The following CIROP variants were observed in gnomAD, a reference collection of about 807,000 sequenced individuals.
CIROP encodes leishmanolysin homolog.
At chr14:23,101,615 T>A in the CIROP span, 12,329 of 702,566 alleles carry the variant, frequency 0.018, 693 homozygotes, top group African/African-American at 0.14. Flanking sequence ...GCCTTTGAAG[T>A]TGACTGCCTT....
the CIROP span, chr14:23,099,297 T>G: frequency 1.2e-5 from 5 of 413,350 alleles, no homozygotes; most frequent in Non-Finnish European, 2.2e-5. Context: ...CCTCCCTTAT[T>G]CCTCTAACTG....
chr14:23,101,492 G>C, the CIROP span: 1 of 616,998 alleles, frequency 1.6e-6, no homozygotes, highest in Non-Finnish European at 2.9e-6. Context: ...CAACGGCTCT[G>C]GGGATGGTAG....
At chr14:23,101,670 C>G in the CIROP span, 1 of 703,050 alleles carries the variant, frequency 1.4e-6, no homozygotes, top group South Asian at 1.5e-5. Flanking sequence ...TCTACTCACC[C>G]CATTGGCTAA....
the CIROP span, chr14:23,102,427 G>A: frequency 2.8e-6 from 2 of 703,014 alleles, no homozygotes; most frequent in Non-Finnish European, 5.2e-6. Context: ...GGGGTGGTGA[G>A]AAGCAGTTGT....
At chr14:23,101,832 G>A in the CIROP span, 3 of 702,674 alleles carry the variant, frequency 4.3e-6, no homozygotes, top group South Asian at 4.4e-5. Flanking sequence ...TAACCACTCA[G>A]CACACACACC....
At chr14:23,099,486 C>CAACCT in the CIROP span, 1 of 412,578 alleles carries the variant, frequency 2.4e-6, no homozygotes, top group South Asian at 1.3e-4. Flanking sequence ...AAGTAACCAG[C>CAACCT]AACCTAGGAA....
the CIROP span, chr14:23,100,875 A>G: frequency 2.5e-6 from 1 of 399,058 alleles, no homozygotes; most frequent in Non-Finnish European, 4.4e-6. Flanking sequence ...TTGCTCGCCA[A>G]AGCCTCCAGT....
At chr14:23,101,616 T>C in the CIROP span, 1 of 702,652 alleles carries the variant, frequency 1.4e-6, no homozygotes, top group Non-Finnish European at 2.6e-6. Flanking sequence ...CCTTTGAAGT[T>C]GACTGCCTTC....
At chr14:23,100,865 T>C in the CIROP span, 87,263 of 398,802 alleles carry the variant, frequency 0.22, 9,808 homozygotes, top group African/African-American at 0.31. Flanking sequence ...AGTGCCGCCT[T>C]TGCTCGCCAA....
the CIROP span, chr14:23,102,827 C>T: frequency 1.5e-6 from 1 of 661,298 alleles, no homozygotes; most frequent in Non-Finnish European, 2.7e-6. Flanking sequence ...ACCTTCTATT[C>T]CATCCTCTGT....
the CIROP span, chr14:23,104,618 TC>T: frequency 1.0e-5 from 7 of 702,272 alleles, no homozygotes; most frequent in African/African-American, 1.2e-4. Flanking sequence ...CAGCCTGGAT[TC>T]GCTGAGTGGC....
the CIROP span, chr14:23,099,615 A>C: frequency 2.6e-6 from 1 of 378,166 alleles, no homozygotes; most frequent in East Asian, 3.7e-5. Context: ...GCTGGAGTGC[A>C]GTGGTGTGAT....
chr14:23,104,276 T>C, the CIROP span: 4 of 683,276 alleles, frequency 5.9e-6, no homozygotes, highest in Non-Finnish European at 1.1e-5. Context: ...CTTTGTATCC[T>C]GGGTTCAAGA....
the CIROP span, chr14:23,104,676 C>G: frequency 1.4e-6 from 1 of 702,988 alleles, no homozygotes; most frequent in Non-Finnish European, 2.6e-6. Flanking sequence ...CATCCCTTCT[C>G]CCTCAGGATC....
chr14:23,101,539 C>A, the CIROP span: 1 of 654,790 alleles, frequency 1.5e-6, no homozygotes, highest in Non-Finnish European at 2.8e-6. Flanking sequence ...AGCAGGGAAT[C>A]CGTTTTCCTT....
the CIROP span, chr14:23,104,100 G>T: frequency 1.7e-6 from 1 of 588,998 alleles, no homozygotes; most frequent in Non-Finnish European, 3.0e-6. Flanking sequence ...GAGACTGAGA[G>T]GTGAGCCTGC....
chr14:23,099,491 T>G, the CIROP span: 2 of 412,670 alleles, frequency 4.8e-6, no homozygotes, highest in Non-Finnish European at 8.8e-6. Flanking sequence ...ACCAGCAACC[T>G]AGGAACATAG....
chr14:23,104,578 C>T, the CIROP span: 1 of 698,644 alleles, frequency 1.4e-6, no homozygotes, highest in African/African-American at 1.7e-5. Flanking sequence ...CCCTCCCTGA[C>T]ACCTCTGTTC....
the CIROP span, chr14:23,102,536 G>T: frequency 2.9e-6 from 2 of 699,368 alleles, no homozygotes; most frequent in South Asian, 3.0e-5. Flanking sequence ...AACTTAGGAA[G>T]GGTGAAGTAA....
Sources: allele counts gnomAD v4.1 joint callset, GRCh38; gene constraint gnomAD v4.1.1; transcripts MANE v1.5; gene names NCBI Gene and HGNC (gene_info 2026-07-23, HGNC 2026-07-21).